The following ZNF609 variants were observed in gnomAD, a reference collection of about 807,000 sequenced individuals.
The protein encoded by ZNF609 is zinc finger protein 609.
ZNF609 carries 11 observed loss-of-function variants against 109.5 expected under a neutral mutation model. The ratio of observed to expected loss-of-function variants is 0.10; its 90% CI spans 0.06 to 0.17. ZNF609 has a LOEUF of 0.17. ZNF609 is among the 10% of genes least tolerant of loss of function. ZNF609 has a pLI of 1.00. For missense variants in ZNF609, 1,559 were observed against 1,772.4 expected (o/e 0.88, Z 2.16); for synonymous variants, 646 against 662.0 (o/e 0.98, Z 0.37).
At chr15:64,595,360 C>CAA (rs923203042) in intron 2 of ZNF609, among the ~76,000 whole-genome samples, 72 of 76,748 alleles carry the variant, frequency 9.4e-4, no homozygotes, top group African/African-American at 2.0e-3. Flanking sequence ...GATTCCGTCT[C>CAA]AAAAAAAAAA....
At chr15:64,592,207 A>G (rs1464784281) in intron 2 of ZNF609, among the ~76,000 whole-genome samples, 1 of 152,196 alleles carries the variant, frequency 6.6e-6, no homozygotes, top group Non-Finnish European at 1.5e-5. Context: ...CCTTGTTTAT[A>G]CAAGTGAAAA....
intron 2 of ZNF609, among the ~76,000 whole-genome samples, chr15:64,515,723 G>GGTCA (rs1431160906): frequency 4.6e-5 from 7 of 151,440 alleles, no homozygotes; most frequent in African/African-American, 1.7e-4. Flanking sequence ...AATAACCTGA[G>GGTCA]GTCAGGAGTT....
intron 3 of ZNF609, among the ~76,000 whole-genome samples, chr15:64,658,644 C>T (rs895293786): frequency 1.3e-5 from 2 of 151,310 alleles, no homozygotes; most frequent in African/African-American, 4.9e-5. Context: ...CTGACAATAG[C>T]GTATATGTTG....
intron 2 of ZNF609, among the ~76,000 whole-genome samples, chr15:64,506,455 T>C (rs1893639276): frequency 6.9e-6 from 1 of 145,084 alleles, no homozygotes; most frequent in Non-Finnish European, 1.5e-5. Flanking sequence ...GCGCGGTGGC[T>C]CACGCCTATA....
intron 2 of ZNF609, among the ~76,000 whole-genome samples, chr15:64,576,986 G>GTGTA (rs1894974437): frequency 9.1e-6 from 1 of 109,780 alleles, no homozygotes; most frequent in South Asian, 2.5e-4. Context: ...ATATATGTAT[G>GTGTA]TATACACATA....
intron 2 of ZNF609, among the ~76,000 whole-genome samples, chr15:64,609,490 T>C (rs958998234): frequency 6.6e-6 from 1 of 150,962 alleles, no homozygotes; most frequent in South Asian, 2.1e-4. Flanking sequence ...CGTATTTTTT[T>C]ATAGAGACGG....
intron 2 of ZNF609, among the ~76,000 whole-genome samples, chr15:64,578,091 A>G (rs769786654): frequency 2.3e-4 from 35 of 152,236 alleles, no homozygotes; most frequent in Non-Finnish European, 4.4e-4. Context: ...AGGGAAAAAA[A>G]CATAAAGGAA....
rs201078682 is a variant in ZNF609 at position 64,573,349 on chromosome 15, T to TC, written c.748-49478_748-49477insC. ...GTAGAGTTAGTGGCCCAACTTTCTT[T>TC]TTTTTTTTTTTTTTTTTTTTTTTGA... On this transcript the variant is annotated intron_variant, in intron 2 of 9. Transcript: ENST00000326648. 7.2e-3 allele frequency among the ~76,000 whole-genome samples: 673 copies of TC among 93,936 alleles called. 17 individuals are homozygous for TC. Among genetic ancestry groups the TC allele is most frequent in the African/African-American group, 0.027 (646 of 24,296 alleles). 61.6% of individuals were successfully genotyped at this position (93,936 alleles called of 152,430 possible). A position where few individuals can be genotyped will look rare whatever the true frequency, so the allele number is the denominator to read the frequency against.
At chr15:64,508,917 C>T (rs1893677926) in intron 2 of ZNF609, among the ~76,000 whole-genome samples, 1 of 152,038 alleles carries the variant, frequency 6.6e-6, no homozygotes, top group Non-Finnish European at 1.5e-5. Context: ...TAGTCTTGAA[C>T]TCCTAACTTC....
chr15:64,580,556 CTTTT>C (rs66976954), intron 2 of ZNF609, among the ~76,000 whole-genome samples: 1 of 144,240 alleles, frequency 6.9e-6, no homozygotes, highest in Non-Finnish European at 1.5e-5. Context: ...CTTTTCTTTT[CTTTT>C]TTTTTTTTGA....
At chr15:64,649,789 G>A (rs1200823458) in intron 3 of ZNF609, among the ~76,000 whole-genome samples, 11 of 152,088 alleles carry the variant, frequency 7.2e-5, no homozygotes, top group Non-Finnish European at 1.5e-4. Flanking sequence ...AAAAGGATAG[G>A]CAGTAAAAAG....
intron 1 of ZNF609, among the ~76,000 whole-genome samples, chr15:64,490,474 A>C (rs989029332): frequency 3.3e-5 from 5 of 151,902 alleles, no homozygotes; most frequent in Non-Finnish European, 7.4e-5. Flanking sequence ...GGGTTTCTCC[A>C]TGTTGGTCAG....
chr15:64,638,548 G>C (rs888934506), intron 3 of ZNF609, among the ~76,000 whole-genome samples: 1 of 152,068 alleles, frequency 6.6e-6, no homozygotes, highest in Admixed American at 6.6e-5. Context: ...GGAGAATTGG[G>C]GGGAGGGGGG....
intron 1 of ZNF609, among the ~76,000 whole-genome samples, chr15:64,475,740 C>T (rs991375524): frequency 6.6e-6 from 1 of 152,082 alleles, no homozygotes; most frequent in Non-Finnish European, 1.5e-5. Flanking sequence ...TTCTTCATCC[C>T]TCATTTTAAG....
intron 2 of ZNF609, among the ~76,000 whole-genome samples, chr15:64,534,957 T>C (rs994212761): frequency 2.0e-5 from 3 of 151,676 alleles, no homozygotes; most frequent in African/African-American, 7.3e-5. Context: ...TGCTTGAACC[T>C]GGGAGGCAGA....
chr15:64,581,080 C>T (rs1307695037), intron 2 of ZNF609, among the ~76,000 whole-genome samples: 1 of 144,564 alleles, frequency 6.9e-6, no homozygotes, highest in East Asian at 2.2e-4. Context: ...AGTGGCTATT[C>T]ACAGTTACAC....
chr15:64,592,853 C>G (rs1895324494), intron 2 of ZNF609: 1 of 554,426 alleles, frequency 1.8e-6, no homozygotes, highest in Non-Finnish European at 3.2e-6. Context: ...GCAAAAGTTG[C>G]AGTGAGCTGG....
chr15:64,649,031 A>T (rs1023448322), intron 3 of ZNF609, among the ~76,000 whole-genome samples: 1 of 152,200 alleles, frequency 6.6e-6, no homozygotes, highest in Non-Finnish European at 1.5e-5. Flanking sequence ...CATACATAAG[A>T]GAAAGAATTT....
In ZNF609 at chr15:64,588,442, A is replaced by AAAAAAAAAAAAAAAAAAAAAAAAAAAAAG. The variant is rs71133451; in HGVS notation, c.748-34383_748-34382insAAAAAAAAAAAAAAAAAAAAAAAAAAGAA. ...CACTCTGTCTAAAAAAAAAAAAAAA[A>AAAAAAAAAAAAAAAAAAAAAAAAAAAAAG]AAGAAGAGGAAGACTGTACAGACTA... On this transcript the variant is annotated intron_variant, in intron 2 of 9. Coordinates refer to ENST00000326648, the MANE Select transcript of ZNF609 (RefSeq NM_015042.2). Among the ~76,000 whole-genome samples, 2 of 75,272 alleles carry AAAAAAAAAAAAAAAAAAAAAAAAAAAAAG rather than the reference A, an allele frequency of 2.7e-5. 1 individual carries two copies. The highest frequency in any genetic ancestry group is 1.0e-4 in the African/African-American group (2 of 19,500). 49.4% of individuals were successfully genotyped at this position (75,272 alleles called of 152,430 possible).
Sources: allele counts gnomAD v4.1 joint callset (sites outside exome capture counted in the v4.1 genomes callset), GRCh38; gene constraint gnomAD v4.1.1; transcripts MANE v1.5; gene names NCBI Gene and HGNC (gene_info 2026-07-23, HGNC 2026-07-21).